Variants in MARCHF6 observed in about 807,000 individuals in gnomAD.
The protein encoded by MARCHF6 is membrane associated ring-CH-type finger 6.
In MARCHF6, 31 loss-of-function variants were observed where a neutral mutation model predicts 133.7. That is an observed-to-expected ratio of 0.23 (90% CI 0.17 to 0.31). The LOEUF (loss-of-function observed/expected upper bound fraction) is 0.31, where lower values mean the gene tolerates loss of function less well. Among genes scored for constraint, MARCHF6 ranks in the 10% least tolerant of loss-of-function variants. The pLI is 1.00. For missense variants in MARCHF6, 723 were observed against 1,121.6 expected, an observed-to-expected ratio of 0.64 and a Z score of 5.08; for synonymous variants, 395 against 402.5, an observed-to-expected ratio of 0.98 and a Z score of 0.22.
intron 25 of MARCHF6, 40 bp from the exon 26 acceptor site, chr5:10,433,554 A>G (rs1444981845): frequency 7.1e-7 from 1 of 1,418,238 alleles, no homozygotes; most frequent in Admixed American, 1.7e-5. Context: ...TACTCTGTAC[A>G]TTCATAGAAG....
intron 8 of MARCHF6, 146 bp downstream of exon 8, chr5:10,394,289 T>C: frequency 2.1e-6 from 1 of 472,836 alleles, no homozygotes; most frequent in South Asian, 7.0e-5. Flanking sequence ...AGTTAAGTGA[T>C]ATATTGTTTA....
chr5:10,384,697 G>A (rs1306168579), intron 4 of MARCHF6, among the ~76,000 whole-genome samples: 3 of 152,164 alleles, frequency 2.0e-5, no homozygotes, highest in Non-Finnish European at 4.4e-5. Flanking sequence ...AGTAGACAGT[G>A]CCAAATGTTG....
At position 10,397,529 on chromosome 5, in the gene MARCHF6, G is replaced by A. The variant is rs138803535; in HGVS notation, c.913+185G>A. ...AGACAGACAGATACTTTCCTAAGCA[G>A]CAGTGACTGCAGTTACCTACCTATC... On this transcript the variant is annotated intron_variant, in intron 10 of 25. Coordinates refer to ENST00000274140, the MANE Select transcript of MARCHF6 (RefSeq NM_005885.4). Among the ~76,000 whole-genome samples, 1,420 of 151,922 alleles carry A rather than the reference G, an allele frequency of 9.3e-3. 75 individuals are homozygous for A. The highest frequency in any genetic ancestry group is 0.085 in the Admixed American group (1,294 of 15,268).
At chr5:10,415,822 A>G (rs1467233603) in intron 21 of MARCHF6, among the ~76,000 whole-genome samples, 153 bp downstream of exon 21, 1 of 152,138 alleles carries the variant, frequency 6.6e-6, no homozygotes, top group African/African-American at 2.4e-5. Flanking sequence ...CTCTTTCAAG[A>G]TAGTGGCTTT....
chr5:10,414,231 T>C (rs762368387), intron 19 of MARCHF6, among the ~76,000 whole-genome samples: 6 of 152,214 alleles, frequency 3.9e-5, no homozygotes, highest in Non-Finnish European at 8.8e-5. Context: ...TATCTGATTA[T>C]GTGAGAATGG....
In MARCHF6 at chr5:10,412,019, A is replaced by G. The variant is rs187840049; in HGVS notation, c.1896+482A>G. ...TCAGAAATGTAAGCTGATGACTGCT[A>G]TATGATTACAGTGAAGTCATCATTT... On this transcript the variant is annotated intron_variant, in intron 19 of 25. Coordinates refer to ENST00000274140, the MANE Select transcript of MARCHF6 (RefSeq NM_005885.4). 7.2e-5 allele frequency among the ~76,000 whole-genome samples: 11 copies of G among 152,342 alleles called. No individual in the cohort carries two copies. In the East Asian group the frequency reaches 1.9e-3, roughly 27 times the overall value.
At chr5:10,362,519 A>G (rs1735888052) in intron 1 of MARCHF6, among the ~76,000 whole-genome samples, 1 of 152,252 alleles carries the variant, frequency 6.6e-6, no homozygotes, top group South Asian at 2.1e-4. Flanking sequence ...CCATATTAGA[A>G]ATGAAGAATG....
intron 7 of MARCHF6, among the ~76,000 whole-genome samples, chr5:10,393,641 CT>C (rs1394584261): frequency 6.6e-6 from 1 of 152,108 alleles, no homozygotes; most frequent in East Asian, 1.9e-4. Flanking sequence ...GCCTTTAAAT[CT>C]TTTAGTAGTT....
chr5:10,385,132 A>T (rs1356849875), intron 4 of MARCHF6, among the ~76,000 whole-genome samples: 1 of 152,228 alleles, frequency 6.6e-6, no homozygotes, highest in Non-Finnish European at 1.5e-5. Context: ...AAAACAGGTT[A>T]CATTCATCTA....
At chr5:10,357,116 A>G (rs1735518649) in intron 1 of MARCHF6, among the ~76,000 whole-genome samples, 1 of 152,008 alleles carries the variant, frequency 6.6e-6, no homozygotes, top group African/African-American at 2.4e-5. Context: ...GACCTTAGAC[A>G]TTTGCCCTCC....
rs150065240 is a variant in MARCHF6, at chr5:10,364,075, A to C, written c.19+10158A>C. 1.1e-3 allele frequency among the ~76,000 whole-genome samples: 160 copies of C among 152,322 alleles called. 2 individuals carry two copies. In the East Asian group the frequency reaches 0.029, roughly 27 times the overall value. On this transcript the variant is annotated intron_variant, in intron 1 of 25. Transcript: ENST00000274140. ...ATACTTAAAACAATTGAAGTCTTTA[A>C]ATTGGTGAACTTTATGACATATATC...
At chr5:10,403,772 C>G (rs1039719583) in intron 15 of MARCHF6, among the ~76,000 whole-genome samples, 1 of 152,096 alleles carries the variant, frequency 6.6e-6, no homozygotes, top group African/African-American at 2.4e-5. Flanking sequence ...GTTTGAAAGA[C>G]GATTCAACTG....
At chr5:10,387,173 C>T (rs534822377) in intron 5 of MARCHF6, 107 bp downstream of exon 5, 12 of 785,444 alleles carry the variant, frequency 1.5e-5, no homozygotes, top group Non-Finnish European at 2.4e-5. Context: ...GTTTTGAGAA[C>T]AATAATTTAT....
chr5:10,373,584 C>T (rs1333803193), intron 1 of MARCHF6, among the ~76,000 whole-genome samples: 5 of 152,202 alleles, frequency 3.3e-5, no homozygotes, highest in Non-Finnish European at 4.4e-5. Flanking sequence ...TCACAGGCAG[C>T]AATGTGCCAG....
At position 10,438,925 on chromosome 5, in the gene MARCHF6, G is replaced by A. The variant is rs894481149; in HGVS notation, c.*5241G>A. On this transcript the variant is annotated 3_prime_UTR_variant, in exon 26 of 26. Transcript: ENST00000274140. Reference sequence around the variant, plus strand: ...AAGACCACTCATACGTAAACACTACGTAGAGGCCCCTTTTTGCCTCATTTT... The same window carrying A: ...AAGACCACTCATACGTAAACACTACATAGAGGCCCCTTTTTGCCTCATTTT... The A allele has an allele frequency of 6.6e-6, 1 of 152,098 alleles. No individual in the cohort carries two copies. Among genetic ancestry groups the A allele is most frequent in the East Asian group, 1.9e-4 (1 of 5,192 alleles). 9.4% of individuals were successfully genotyped at this position (152,098 alleles called of 1,614,324 possible). A position where few individuals can be genotyped will look rare whatever the true frequency, so the allele number is the denominator to read the frequency against.
At chr5:10,408,181 A>C (rs1739023041) in intron 17 of MARCHF6, among the ~76,000 whole-genome samples, 1 of 152,144 alleles carries the variant, frequency 6.6e-6, no homozygotes, top group Non-Finnish European at 1.5e-5. Context: ...CCACTTACTT[A>C]ATTTAGGCCT....
intron 1 of MARCHF6, among the ~76,000 whole-genome samples, chr5:10,372,834 A>C (rs946903835): frequency 2.0e-5 from 3 of 152,154 alleles, no homozygotes; most frequent in Non-Finnish European, 2.9e-5. Context: ...CTCTAGCTGC[A>C]TTCATTCTAT....
rs770461422 is a variant in MARCHF6 at position 10,414,511 on chromosome 5, T to G, written c.1966+9T>G. 6.2e-7 allele frequency: 1 copy of G among 1,604,816 alleles called. No homozygotes were observed. Among genetic ancestry groups the G allele is most frequent in the South Asian group, 1.1e-5 (1 of 90,808 alleles). Reference sequence around the variant, plus strand: ...CTGCCTTACTTTACCAGGTATGAGCTTGTGCTAGCCTTCAGCTAATAGCAT... The same window carrying G: ...CTGCCTTACTTTACCAGGTATGAGCGTGTGCTAGCCTTCAGCTAATAGCAT... On this transcript the variant is annotated intron_variant, in intron 20 of 25. Transcript: ENST00000274140.
chr5:10,420,044 T>C (rs1269087328), intron 22 of MARCHF6, among the ~76,000 whole-genome samples: 1 of 148,862 alleles, frequency 6.7e-6, no homozygotes, highest in Non-Finnish European at 1.5e-5. Flanking sequence ...AGTGTGAGAG[T>C]TGATGCTTGT....
Sources: allele counts gnomAD v4.1 joint callset (sites outside exome capture counted in the v4.1 genomes callset), GRCh38; gene constraint gnomAD v4.1.1; transcripts MANE v1.5; gene names NCBI Gene and HGNC (gene_info 2026-07-23, HGNC 2026-07-21).